The following INPP4B variants were observed in gnomAD, a reference collection of about 807,000 sequenced individuals.
INPP4B encodes the protein inositol polyphosphate 4-phosphatase type II.
Under a neutral mutation model 122.5 loss-of-function variants are expected in INPP4B, and 55 were observed. The ratio of observed to expected loss-of-function variants is 0.45; its 90% confidence interval spans 0.36 to 0.56. The LOEUF (loss-of-function observed/expected upper bound fraction) is 0.56. Among genes scored for constraint, INPP4B ranks in the 20% least tolerant of loss-of-function variants. The pLI is 0.00. For synonymous variants in INPP4B, 403 were observed against 388.7 expected (o/e 1.04, Z -0.43); for missense variants, 1,000 against 1,097.7 (o/e 0.91, Z 1.26).
intron 2 of INPP4B, among the ~76,000 whole-genome samples, chr4:142,675,583 A>G (rs1037011787): frequency 6.6e-6 from 1 of 152,214 alleles, no homozygotes; most frequent in South Asian, 2.1e-4. Context: ...ATGAACATCA[A>G]TGCGAAAATC....
intron 15 of INPP4B, among the ~76,000 whole-genome samples, chr4:142,183,876 C>T (rs1831978190): frequency 6.6e-6 from 1 of 151,992 alleles, no homozygotes; most frequent in East Asian, 1.9e-4. Flanking sequence ...TTAGACTTAA[C>T]ATTTTTACTT....
At chr4:142,622,967 A>G (rs1006906400) in intron 2 of INPP4B, among the ~76,000 whole-genome samples, 3 of 151,934 alleles carry the variant, frequency 2.0e-5, no homozygotes, top group Admixed American at 1.3e-4. Context: ...ATGGGAATAA[A>G]TTACTGCCCA....
chr4:142,638,903 CT>C (rs546746273), intron 2 of INPP4B, among the ~76,000 whole-genome samples: 317 of 152,198 alleles, frequency 2.1e-3, no homozygotes, highest in African/African-American at 7.0e-3. Flanking sequence ...ATGATGCTGC[CT>C]ATAGGCTTTT....
intron 2 of INPP4B, among the ~76,000 whole-genome samples, chr4:142,584,353 G>A (rs1469487691): frequency 1.3e-5 from 2 of 152,112 alleles, no homozygotes; most frequent in East Asian, 1.9e-4. Context: ...ATTATCTAAA[G>A]TTCAGACTTT....
chr4:142,544,490 T>C (rs1411393648), intron 2 of INPP4B, among the ~76,000 whole-genome samples: 1 of 152,018 alleles, frequency 6.6e-6, no homozygotes, highest in Non-Finnish European at 1.5e-5. Flanking sequence ...TGCCATCACA[T>C]GAGACCTTCC....
At chr4:142,593,755 T>C (rs985299702) in intron 2 of INPP4B, among the ~76,000 whole-genome samples, 3 of 152,108 alleles carry the variant, frequency 2.0e-5, no homozygotes, top group African/African-American at 7.2e-5. Flanking sequence ...GTTGAATTAT[T>C]CCATGTTCAT....
intron 7 of INPP4B, among the ~76,000 whole-genome samples, chr4:142,376,878 G>A (rs967112704): frequency 1.3e-5 from 2 of 152,004 alleles, no homozygotes; most frequent in Non-Finnish European, 2.9e-5. Flanking sequence ...AGGATCAAAT[G>A]TGGTGCTCTC....
intron 25 of INPP4B, 78 bp from the exon 26 acceptor site, chr4:142,028,992 C>G: frequency 6.7e-7 from 1 of 1,502,990 alleles, no homozygotes; most frequent in Admixed American, 2.3e-5. Flanking sequence ...TGCAGAGTTG[C>G]AGCAACCATC....
intron 2 of INPP4B, among the ~76,000 whole-genome samples, chr4:142,499,210 G>C (rs1040766717): frequency 6.6e-6 from 1 of 152,122 alleles, no homozygotes; most frequent in Non-Finnish European, 1.5e-5. Flanking sequence ...CTAGGGAGCT[G>C]AAACTGAGTT....
intron 7 of INPP4B, among the ~76,000 whole-genome samples, chr4:142,373,273 C>T (rs1379022850): frequency 6.6e-6 from 1 of 151,882 alleles, no homozygotes; most frequent in East Asian, 1.9e-4. Context: ...CAACATTTGA[C>T]CTTTTAAGGT....
rs1819525265 is a variant in INPP4B, at chr4:142,160,393, T to G, written c.1528A>C (p.Ile510Leu). 1 of 1,590,586 alleles carries G rather than the reference T, an allele frequency of 6.3e-7. No individual in the cohort carries two copies. Among genetic ancestry groups the G allele is most frequent in the Admixed American group, 1.7e-5 (1 of 59,268 alleles). Reference protein sequence around the residue: ...QPPVMRGQDSIPHHSDYDEEE... With the variant: ...QPPVMRGQDSLPHHSDYDEEE... ...TCATCATAGTCTGAATGATGTGGTATGGAGTCCTGCCCTCTCATCACTGGG... is the reference window on the plus strand; with the variant it reads ...TCATCATAGTCTGAATGATGTGGTAGGGAGTCCTGCCCTCTCATCACTGGG... The change falls in exon 17 of 26, where the codon ATA becomes CTA. Residue 510 changes from isoleucine to leucine, a missense_variant. Transcript: ENST00000262992.
chr4:142,283,589 C>G (rs1229038376), intron 9 of INPP4B, among the ~76,000 whole-genome samples: 2 of 152,116 alleles, frequency 1.3e-5, no homozygotes, highest in Non-Finnish European at 2.9e-5. Flanking sequence ...GGCTAAAAAG[C>G]TGTACAGCAC....
intron 2 of INPP4B, among the ~76,000 whole-genome samples, chr4:142,611,305 G>A (rs558038423): frequency 1.3e-5 from 2 of 152,104 alleles, no homozygotes; most frequent in African/African-American, 4.8e-5. Flanking sequence ...CTCCAGCCAG[G>A]TTCCGCCTCC....
At chr4:142,359,493 A>G (rs1226759692) in intron 7 of INPP4B, among the ~76,000 whole-genome samples, 1 of 151,982 alleles carries the variant, frequency 6.6e-6, no homozygotes, top group African/African-American at 2.4e-5. Context: ...TCGTTCAAGT[A>G]TTCTTACATT....
At chr4:142,321,874 G>A (rs1283389344) in intron 7 of INPP4B, among the ~76,000 whole-genome samples, 9 of 152,072 alleles carry the variant, frequency 5.9e-5, no homozygotes. Flanking sequence ...GTAATGTAAT[G>A]CCTCCAGATT....
intron 12 of INPP4B, among the ~76,000 whole-genome samples, chr4:142,221,870 G>A (rs564975065): frequency 6.6e-6 from 1 of 152,290 alleles, no homozygotes; most frequent in Admixed American, 6.5e-5. Context: ...AGTGACTATG[G>A]TATGGGATAG....
intron 10 of INPP4B, among the ~76,000 whole-genome samples, chr4:142,269,627 A>G (rs1187985335): frequency 6.6e-6 from 1 of 152,150 alleles, no homozygotes; most frequent in Non-Finnish European, 1.5e-5. Flanking sequence ...GCCAGGAGGA[A>G]TAAGCTTTAG....
At chr4:142,106,400 CGTCCTGAGTAG>C (rs1787140893) in intron 23 of INPP4B, among the ~76,000 whole-genome samples, 2 of 152,140 alleles carry the variant, frequency 1.3e-5, no homozygotes, top group Non-Finnish European at 2.9e-5. Context: ...CACCCCTCAG[CGTCCTGAGTAG>C]CTGGGATCAC....
rs969409462 is a variant in INPP4B, at chr4:142,439,524, T to C, written c.-126-8139A>G. Reference sequence around the variant, plus strand: ...CTTCATGGATTCTTTCACATTTTATTAATTTATGTACCTATCTATATGTGT... The same window carrying C: ...CTTCATGGATTCTTTCACATTTTATCAATTTATGTACCTATCTATATGTGT... On this transcript the variant is annotated intron_variant, in intron 3 of 25. Transcript: ENST00000262992. 9.2e-5 allele frequency among the ~76,000 whole-genome samples: 14 copies of C among 152,342 alleles called. 1 individual carries two copies. In the East Asian group the frequency reaches 2.7e-3, roughly 29 times the overall value.
Sources: gnomAD v4.1 joint callset for allele counts (sites outside exome capture counted in the v4.1 genomes callset) on GRCh38, gnomAD v4.1.1 for gene constraint, MANE v1.5 for transcripts, NCBI Gene and HGNC (gene_info 2026-07-23, HGNC 2026-07-21) for gene names.